The following EFCAB13 variants were observed in gnomAD, a reference collection of about 807,000 sequenced individuals.
The protein encoded by EFCAB13 is EF-hand calcium-binding domain-containing protein 13.
In EFCAB13, 91 loss-of-function variants were observed where a neutral mutation model predicts 110.2. The observed-to-expected ratio is 0.83, with a 90% CI of 0.70 to 0.98. The LOEUF (loss-of-function observed/expected upper bound fraction) is 0.98. EFCAB13 is among the 50% of genes least tolerant of loss of function. The probability of loss-of-function intolerance (pLI) is 0.00; values close to 1 mark genes in which losing one functional copy is unlikely to be tolerated. For synonymous variants in EFCAB13, 323 were observed against 369.9 expected (o/e 0.87, Z 1.45); for missense variants, 968 against 1,119.4 (o/e 0.86, Z 1.93).
chr17:47,412,624 T>C, intron 21 of EFCAB13, 149 bp from the exon 22 acceptor site: 1 of 754,602 alleles, frequency 1.3e-6, no homozygotes. Context: ...AAGTGGGCCA[T>C]CAGTTACAAA....
chr17:47,373,793 T>C (rs1220528075), intron 11 of EFCAB13, among the ~76,000 whole-genome samples: 1 of 152,184 alleles, frequency 6.6e-6, no homozygotes, highest in Non-Finnish European at 1.5e-5. Context: ...AAGAAACTTT[T>C]TTATTTCCTC....
intron 7 of EFCAB13, among the ~76,000 whole-genome samples, chr17:47,344,696 C>T (rs2065405544): frequency 6.6e-6 from 1 of 152,038 alleles, no homozygotes; most frequent in South Asian, 2.1e-4. Flanking sequence ...TAAAGATGTT[C>T]TTGTTTGCTT....
At chr17:47,352,724 G>A (rs1467817143) in intron 9 of EFCAB13, among the ~76,000 whole-genome samples, 1 of 152,122 alleles carries the variant, frequency 6.6e-6, no homozygotes, top group African/African-American at 2.4e-5. Flanking sequence ...AGCATGGGAT[G>A]TTTTTCCATT....
In EFCAB13 at chr17:47,377,810, G is replaced by A. The variant is rs1010892188; in HGVS notation, c.1417G>A (p.Ala473Thr). The A allele has an allele frequency of 1.3e-6, 2 of 1,588,782 alleles. No homozygotes were observed. The highest frequency in any genetic ancestry group is 3.8e-5 in the Admixed American group (2 of 52,088). The change falls in exon 13 of 25, where the codon GCA becomes ACA. Residue 473 changes from alanine to threonine, a missense_variant. By Grantham distance (58) the Ala-to-Thr change is moderately conservative. Transcript: ENST00000331493. ...AISKLQENYIAAEELQSILPS... is the reference protein window; with the variant it reads ...AISKLQENYITAEELQSILPS... The stretch of plus-strand genomic sequence containing the variant: ...CAGTAAACTTCAAGAAAATTACATT[G>A]CAGCAGAAGAACTTCAGTCTATTTT...
At chr17:47,328,118 C>G (rs1567777706) in intron 3 of EFCAB13, 151 bp from the exon 4 acceptor site, 1 of 497,208 alleles carries the variant, frequency 2.0e-6, no homozygotes, top group African/African-American at 2.0e-5. Context: ...ACTGCTTTTT[C>G]TAGTGTTTGC....
intron 11 of EFCAB13, 26 bp from the exon 12 acceptor site, chr17:47,374,446 A>G: frequency 7.0e-7 from 1 of 1,432,560 alleles, no homozygotes; most frequent in Non-Finnish European, 9.3e-7. Flanking sequence ...AGGTAAATGA[A>G]ATAATTGTAT....
chr17:47,400,068 CTTTA>C (rs1231499611), intron 17 of EFCAB13, among the ~76,000 whole-genome samples: 4 of 152,176 alleles, frequency 2.6e-5, no homozygotes, highest in Admixed American at 2.6e-4. Flanking sequence ...GTTTCTCTAG[CTTTA>C]TTTGTTTTAG....
At chr17:47,401,768 C>T (rs1369367899) in intron 17 of EFCAB13, among the ~76,000 whole-genome samples, 1 of 151,692 alleles carries the variant, frequency 6.6e-6, no homozygotes, top group Non-Finnish European at 1.5e-5. Context: ...CCTCAGCCTC[C>T]CGAGTAGCTG....
chr17:47,335,028 T>A (rs1278534503), intron 4 of EFCAB13, among the ~76,000 whole-genome samples, 168 bp from the exon 5 acceptor site: 2 of 152,226 alleles, frequency 1.3e-5, no homozygotes, highest in Non-Finnish European at 2.9e-5. Context: ...ATGTACTGAA[T>A]CTGGAAAAAT....
chr17:47,402,916 G>T (rs909180305), intron 18 of EFCAB13, among the ~76,000 whole-genome samples: 1 of 152,204 alleles, frequency 6.6e-6, no homozygotes, highest in Admixed American at 6.5e-5. Context: ...ACAGGAAAAT[G>T]CTATTCTGCT....
intron 17 of EFCAB13, among the ~76,000 whole-genome samples, chr17:47,400,908 A>G (rs2065775441): frequency 6.6e-6 from 1 of 152,170 alleles, no homozygotes; most frequent in South Asian, 2.1e-4. Context: ...TTGATTATGT[A>G]ACCTTGTTGA....
Position 47,434,093 on chromosome 17 carries a change from A to G in EFCAB13, c.2638+4132A>G, listed in dbSNP as rs535106552. On this transcript the variant is annotated intron_variant, in intron 24 of 24. Coordinates refer to ENST00000331493, the MANE Select transcript of EFCAB13 (RefSeq NM_152347.5). ...AAGAGAAAAAAATAAAGGGTATCCAAATCAGTAAAGAGAAAGGCAAACTGT... is the reference window on the plus strand; with the variant it reads ...AAGAGAAAAAAATAAAGGGTATCCAGATCAGTAAAGAGAAAGGCAAACTGT... Among the ~76,000 whole-genome samples the G allele has an allele frequency of 5.3e-5, 8 of 152,278 alleles. No individual in the cohort carries two copies. The South Asian group carries it at 1.7e-3, about 32-fold the overall frequency.
chr17:47,410,609 C>A (rs1396546503), intron 21 of EFCAB13, among the ~76,000 whole-genome samples: 1 of 152,168 alleles, frequency 6.6e-6, no homozygotes, highest in Non-Finnish European at 1.5e-5. Context: ...ACTCAAGGTA[C>A]AATTCTTCTT....
intron 3 of EFCAB13, chr17:47,327,974 C>T (rs2065296973): frequency 2.8e-6 from 1 of 362,652 alleles, no homozygotes; most frequent in South Asian, 8.1e-5. Flanking sequence ...CTTAGCAGTT[C>T]TGCTTCTCAG....
At chr17:47,325,894 G>A (rs1312297558) in intron 2 of EFCAB13, among the ~76,000 whole-genome samples, 1 of 133,724 alleles carries the variant, frequency 7.5e-6, no homozygotes, top group Non-Finnish European at 1.6e-5. Context: ...TAAGCTTCAT[G>A]AGGGCAGATT....
intron 23 of EFCAB13, among the ~76,000 whole-genome samples, chr17:47,424,682 C>T (rs1320464188): frequency 6.6e-6 from 1 of 151,878 alleles, no homozygotes; most frequent in Non-Finnish European, 1.5e-5. Flanking sequence ...AAACTTCAGC[C>T]AGGCTATAAG....
rs775307757 is a variant in EFCAB13, at chr17:47,374,631, A to C, written c.1037A>C (p.Tyr346Ser). 11 of 1,606,246 alleles carry C rather than the reference A, an allele frequency of 6.8e-6. No homozygotes were observed. The highest frequency in any genetic ancestry group is 1.3e-5 in the African/African-American group (1 of 74,380). Residue 346 changes from tyrosine (Y) to serine (S), a missense_variant, in exon 12 of 25, where the codon TAT (tyrosine) becomes TCT (serine). By Grantham distance (144) the Tyr-to-Ser change is moderately radical. Coordinates refer to ENST00000331493, the MANE Select transcript of EFCAB13 (RefSeq NM_152347.5). The part of the protein sequence containing the change: ...KKLNKKSNQY[Y>S]SKIMENDDLE... The stretch of plus-strand genomic sequence containing the variant: ...TTAAATAAAAAAAGCAACCAATATT[A>C]TAGCAAAATTATGGAGAATGATGAC...
In EFCAB13 at chr17:47,348,774, T is replaced by G. The variant is rs72825651; in HGVS notation, c.661+823T>G. Among the ~76,000 whole-genome samples the G allele has an allele frequency of 4.3e-3, 646 of 150,574 alleles. 1 individual carries two copies. The highest frequency in any genetic ancestry group is 6.9e-3 in the Non-Finnish European group (466 of 67,946). On this transcript the variant is annotated intron_variant, in intron 9 of 24. Coordinates refer to ENST00000331493, the MANE Select transcript of EFCAB13 (RefSeq NM_152347.5). ...GCCCATTGAAAAATTGTGTTCTTAT[T>G]GTATTTTGAGATTCTTTATATATTC... is the stretch of plus-strand genomic sequence containing the variant.
In EFCAB13 at chr17:47,440,844, C is replaced by T; in HGVS notation, c.*130C>T. ...AATCCAGTAGAATTTTTATCACTAT[C>T]TGTTATGTTCTCATGTATCTTCAGC... On this transcript the variant is annotated 3_prime_UTR_variant, in exon 25 of 25. Coordinates refer to ENST00000331493, the MANE Select transcript of EFCAB13 (RefSeq NM_152347.5). 1 of 698,532 alleles carries T rather than the reference C, an allele frequency of 1.4e-6. No individual in the cohort carries two copies. Among genetic ancestry groups the T allele is most frequent in the Non-Finnish European group, 2.2e-6 (1 of 449,334 alleles). The allele number at this position is 698,532 out of a possible 1,614,324, so 43.3% of individuals were successfully genotyped here.
Sources: allele counts gnomAD v4.1 joint callset (sites outside exome capture counted in the v4.1 genomes callset), GRCh38; gene constraint gnomAD v4.1.1; transcripts MANE v1.5; gene names NCBI Gene and HGNC (gene_info 2026-07-23, HGNC 2026-07-21).